Variants in TP53BP2 observed in about 807,000 individuals in gnomAD.
The protein encoded by TP53BP2 is tumor protein p53 binding protein 2.
TP53BP2 carries 62 observed loss-of-function variants against 126.2 expected under a neutral mutation model. That is an observed-to-expected ratio of 0.49 (90% CI 0.40 to 0.61). The LOEUF (loss-of-function observed/expected upper bound fraction) is 0.61, where lower values mean the gene tolerates loss of function less well. Ranked by LOEUF, TP53BP2 falls within the 20% of genes least tolerant of loss-of-function variation. The probability of loss-of-function intolerance (pLI) is 0.00; values close to 1 mark genes in which losing one functional copy is unlikely to be tolerated. For missense variants in TP53BP2, 1,215 were observed against 1,402.8 expected, an observed-to-expected ratio of 0.87 and a Z score of 2.14; for synonymous variants, 485 against 502.9, an observed-to-expected ratio of 0.96 and a Z score of 0.48.
At chr1:223,832,836 G>GGCT (rs1663787878) in intron 1 of TP53BP2, among the ~76,000 whole-genome samples, 1 of 152,172 alleles carries the variant, frequency 6.6e-6, no homozygotes, top group Non-Finnish European at 1.5e-5. Context: ...CTGTGAGCTA[G>GGCT]GCTGCCAGTC....
rs770127684 is a variant in TP53BP2 at position 223,803,342 on chromosome 1, C to T, written c.760G>A (p.Gly254Ser). 9.9e-6 allele frequency: 16 copies of T among 1,613,798 alleles called. No homozygotes were observed. In the African/African-American group the frequency reaches 1.3e-4, roughly 13 times the overall value. ...TTGTCATGGTGGCTGTCGATCCTGCCGTTCTTGAGCATCTCTAGCTGCCTG... is the reference window on the plus strand; with the variant it reads ...TTGTCATGGTGGCTGTCGATCCTGCTGTTCTTGAGCATCTCTAGCTGCCTG... ...LTRQLEMLKN[G>S]RIDSHHDNQS... is the part of the protein sequence containing the mutation. Residue 254 changes from glycine (G) to serine (S), a missense_variant, in exon 7 of 18, where the codon GGC becomes AGC. Physicochemically the swap from Gly to Ser is moderately conservative, Grantham distance 56. This residue lies in a region of TP53BP2 where 814 missense variants were observed against 853.0 expected (regional missense o/e 0.95). Coordinates refer to ENST00000343537, the MANE Select transcript of TP53BP2 (RefSeq NM_001031685.3).
rs1422601547 is a variant in TP53BP2 at position 223,798,651 on chromosome 1, T to C, written c.1512A>G (p.Val504=). Residue 504 remains valine, a synonymous_variant, in exon 12 of 18, where the codon GTA becomes GTG. Transcript: ENST00000343537. ...TTGGTTTTGTAGGAACAGGAGGTGGTACTTTAGCCACATTTTTATTTGCAA... is the reference window on the plus strand; with the variant it reads ...TTGGTTTTGTAGGAACAGGAGGTGGCACTTTAGCCACATTTTTATTTGCAA... ...AQVANKNVAK[V]PPPVPTKPKQ... The C allele has an allele frequency of 4.3e-6, 7 of 1,609,364 alleles. No individual in the cohort carries two copies. Among genetic ancestry groups the C allele is most frequent in the Non-Finnish European group, 5.9e-6 (7 of 1,177,624 alleles).
chr1:223,800,262 T>C (rs1662484035), intron 10 of TP53BP2, among the ~76,000 whole-genome samples: 3 of 152,218 alleles, frequency 2.0e-5, no homozygotes, highest in Non-Finnish European at 4.4e-5. Flanking sequence ...TAAATATTGT[T>C]AAATATTGTC....
At chr1:223,803,981 T>TA (rs1662624264) in intron 6 of TP53BP2, among the ~76,000 whole-genome samples, 193 bp downstream of exon 6, 1 of 152,118 alleles carries the variant, frequency 6.6e-6, no homozygotes, top group Non-Finnish European at 1.5e-5. Flanking sequence ...TTTCAAAAGA[T>TA]ACCCTTTAAA....
chr1:223,831,818 A>G (rs1381840379), intron 1 of TP53BP2, among the ~76,000 whole-genome samples: 1 of 151,670 alleles, frequency 6.6e-6, no homozygotes, highest in Non-Finnish European at 1.5e-5. Flanking sequence ...GGCACACTGC[A>G]TAGTAATTCA....
At chr1:223,832,157 A>C (rs796779397) in intron 1 of TP53BP2, among the ~76,000 whole-genome samples, 22 of 152,354 alleles carry the variant, frequency 1.4e-4, no homozygotes, top group African/African-American at 4.6e-4. Context: ...AGGAACCAAG[A>C]GTATAAGATG....
rs760354870 is a variant in TP53BP2 at position 223,798,372 on chromosome 1, T to C, written c.1791A>G (p.Lys597=). 8 of 1,613,998 alleles carry C rather than the reference T, an allele frequency of 5.0e-6. No individual in the cohort carries two copies. The highest frequency in any genetic ancestry group is 2.2e-5 in the East Asian group (1 of 44,892). The change falls in exon 12 of 18, where the codon AAA becomes AAG. Residue 597 remains lysine, a synonymous_variant. Transcript: ENST00000343537. The stretch of plus-strand genomic sequence containing the variant: ...TTCTGAAGGGTGGAAGTAAGGTGTC[T>C]TTGGAAGGCTGGGGAGTAAAGGGCC... ...AVRPFTPQPS[K]DTLLPPFRKP...
intron 16 of TP53BP2, 142 bp from the exon 17 acceptor site, chr1:223,784,456 T>A: frequency 1.4e-6 from 1 of 733,330 alleles, no homozygotes; most frequent in Non-Finnish European, 2.2e-6. Flanking sequence ...CAATAAAATG[T>A]CCTGAGGTGG....
In TP53BP2 at chr1:223,802,888, TTTC is replaced by T. The variant is rs780350311; in HGVS notation, c.836_838del (p.Arg279del). ...GGCATTCTGCTCTTGATTCAATTTG[TTTC>T]TTAGCTGAATAAAAGAGAGGGGAAA... On this transcript the variant is annotated inframe_deletion, in exon 8 of 18. Coordinates refer to ENST00000343537, the MANE Select transcript of TP53BP2 (RefSeq NM_001031685.3). The T allele has an allele frequency of 1.9e-6, 3 of 1,614,074 alleles. No individual in the cohort carries two copies. The South Asian group carries it at 3.3e-5, about 18-fold the overall frequency.
chr1:223,784,224 T>G lies in TP53BP2; in HGVS notation c.3254A>C (p.Lys1085Thr). Residue 1085 changes from lysine to threonine, a missense_variant, in exon 17 of 18, where the codon AAA (lysine) becomes ACA (threonine). This residue lies in a region of TP53BP2 where 151 missense variants were observed against 231.2 expected (regional missense o/e 0.65). Coordinates refer to ENST00000343537, the MANE Select transcript of TP53BP2 (RefSeq NM_001031685.3). Reference protein sequence around the residue: ...EPQNDDELPMKEGDCMTIIHR... With the variant: ...EPQNDDELPMTEGDCMTIIHR... ...GATGATTGTCATGCAGTCTCCTTCT[T>G]TCATGGGCAGCTCATCATCATTCTG... The G allele has an allele frequency of 6.2e-7, 1 of 1,614,154 alleles. No homozygotes were observed. The highest frequency in any genetic ancestry group is 1.3e-5 in the African/African-American group (1 of 75,034).
rs576270138 is a variant in TP53BP2 at position 223,796,521 on chromosome 1, C to A, written c.2018G>T (p.Ser673Ile). ...QQHPENIYSN[S>I]QGKPGSPEPE... is the part of the protein sequence containing the mutation. ...TTCTGGACTGCCAGGCTTGCCCTGG[C>A]TATTGGAATAAATGTTCTCTGGGTG... Residue 673 changes from serine (S) to isoleucine (I), a missense_variant, in exon 13 of 18, where the codon AGC (serine) becomes ATC (isoleucine). Coordinates refer to ENST00000343537, the MANE Select transcript of TP53BP2 (RefSeq NM_001031685.3). The surrounding 1 kb of genome is among the most constrained non-coding windows in gnomAD (Gnocchi z 4.2). 1.9e-6 allele frequency: 3 copies of A among 1,613,846 alleles called. No individual in the cohort carries two copies. The highest frequency in any genetic ancestry group is 2.7e-5 in the African/African-American group (2 of 74,912).
At chr1:223,806,996 A>G in intron 4 of TP53BP2, 49 bp from the exon 5 acceptor site, 1 of 1,412,362 alleles carries the variant, frequency 7.1e-7, no homozygotes, top group Non-Finnish European at 1.0e-6. Context: ...CTATAAAACT[A>G]CCACAGAGAT....
intron 2 of TP53BP2, among the ~76,000 whole-genome samples, chr1:223,818,617 T>G (rs1442453870): frequency 6.6e-6 from 1 of 151,310 alleles, no homozygotes; most frequent in Non-Finnish European, 1.5e-5. Flanking sequence ...TCACCCAGGC[T>G]GGAGTGGAGT....
rs779955890 is a variant in TP53BP2 at position 223,838,590 on chromosome 1, C to T, written c.27+7064G>A. ...GTCATCTCACAGCAGACATTCTATG[C>T]GTCCCTGTCCTCCACTTCTCCCAAC... On this transcript the variant is annotated intron_variant, in intron 1 of 17. Transcript: ENST00000343537. Among the ~76,000 whole-genome samples, 144 of 152,192 alleles carry T rather than the reference C, an allele frequency of 9.5e-4. 1 individual carries two copies. The highest frequency in any genetic ancestry group is 4.4e-4 in the Non-Finnish European group (30 of 68,034).
At chr1:223,831,480 AATATATATAT>A (rs10543436) in intron 1 of TP53BP2, among the ~76,000 whole-genome samples, 1,706 of 32,394 alleles carry the variant, frequency 0.053, 86 homozygotes, top group African/African-American at 0.14. Flanking sequence ...AAAAAAAAAA[AATATATATAT>A]ATATATATAT....
In TP53BP2 at chr1:223,831,479, AAATATATATATAT is replaced by A. The variant is rs1237010150; in HGVS notation, c.28-10125_28-10113del. Among the ~76,000 whole-genome samples, 459 of 46,156 alleles carry A rather than the reference AAATATATATATAT, an allele frequency of 9.9e-3. 13 individuals carry two copies. The highest frequency in any genetic ancestry group is 0.032 in the African/African-American group (319 of 9,998). The allele number at this position is 46,156 out of a possible 152,430, so 30.3% of individuals were successfully genotyped here. A position where few individuals can be genotyped will look rare whatever the true frequency, so the allele number is the denominator to read the frequency against. ...ATATGTACCATCTAAAAAAAAAAAA[AAATATATATATAT>A]ATATATATATATATATATATATATA... On this transcript the variant is annotated intron_variant, in intron 1 of 17. Transcript: ENST00000343537.
intron 1 of TP53BP2, chr1:223,826,206 T>A (rs1043221576): frequency 2.0e-5 from 3 of 152,096 alleles, no homozygotes; most frequent in Admixed American, 6.6e-5. Flanking sequence ...GAGGAAAGGG[T>A]TAATTCAAGG....
intron 1 of TP53BP2, among the ~76,000 whole-genome samples, chr1:223,828,598 TAAG>T (rs1352536675): frequency 6.6e-6 from 1 of 152,178 alleles, no homozygotes; most frequent in Non-Finnish European, 1.5e-5. Flanking sequence ...AACAAGCAAT[TAAG>T]AAGCACATCT....
In TP53BP2 at chr1:223,786,288, A is replaced by G. The variant is rs117882213; in HGVS notation, c.3164-1974T>C. On this transcript the variant is annotated intron_variant, in intron 16 of 17. Transcript: ENST00000343537. Reference sequence around the variant, plus strand: ...AAAAGCGGCGGTCACTACAGACGTGAGAAGGGGCCACATCAGGGAGGGGCA... The same window carrying G: ...AAAAGCGGCGGTCACTACAGACGTGGGAAGGGGCCACATCAGGGAGGGGCA... 1.8e-4 allele frequency among the ~76,000 whole-genome samples: 27 copies of G among 152,298 alleles called. 1 individual carries two copies. In the East Asian group the frequency reaches 4.8e-3, roughly 27 times the overall value.
Sources: allele counts gnomAD v4.1 joint callset (sites outside exome capture counted in the v4.1 genomes callset), GRCh38; gene constraint gnomAD v4.1.1; regional missense constraint gnomAD v4.1.1; non-coding constraint Gnocchi (gnomAD v3.1); transcripts MANE v1.5; gene names NCBI Gene and HGNC (gene_info 2026-07-23, HGNC 2026-07-21).